PTH2R: variants seen among roughly 807,000 people sequenced by gnomAD.
The protein encoded by PTH2R is parathyroid hormone 2 receptor.
In PTH2R, 59 loss-of-function variants were observed where a neutral mutation model predicts 60.3. That is an observed-to-expected ratio of 0.98 (90% CI 0.79 to 1.22). The LOEUF (loss-of-function observed/expected upper bound fraction) is 1.22, where lower values mean the gene tolerates loss of function less well. Ranked by LOEUF, PTH2R falls within the 50% of genes most tolerant of loss-of-function variation. PTH2R has a pLI of 0.00. For missense variants in PTH2R, 749 were observed against 682.6 expected (o/e 1.10, Z -1.08); for synonymous variants, 256 against 243.8 (o/e 1.05, Z -0.47).
At chr2:208,489,771 T>C (rs1326779040) in intron 11 of PTH2R, among the ~76,000 whole-genome samples, 2 of 152,206 alleles carry the variant, frequency 1.3e-5, no homozygotes, top group African/African-American at 4.8e-5. Flanking sequence ...CAGCCCTGCA[T>C]GTCGTGGAGC....
intron 1 of PTH2R, among the ~76,000 whole-genome samples, chr2:208,413,994 C>G (rs1003781803): frequency 6.6e-6 from 1 of 152,224 alleles, no homozygotes; most frequent in East Asian, 1.9e-4. Context: ...AGGCATATCC[C>G]CCACGTCTGC....
At chr2:208,391,475 T>C (rs6725548) in intron 1 of PTH2R, among the ~76,000 whole-genome samples, 118,378 of 152,114 alleles carry the variant, frequency 0.78, 47,971 homozygotes, top group East Asian at 0.94. Context: ...TTCTTTCTGA[T>C]ACATACAGAT....
intron 1 of PTH2R, among the ~76,000 whole-genome samples, chr2:208,363,039 T>C (rs771059521): frequency 9.9e-5 from 15 of 152,158 alleles, no homozygotes; most frequent in Non-Finnish European, 2.1e-4. Context: ...CCAACTTTTA[T>C]TTTAGGTCTG....
intron 1 of PTH2R, among the ~76,000 whole-genome samples, chr2:208,396,285 G>A (rs1288876073): frequency 6.6e-6 from 1 of 152,108 alleles, no homozygotes; most frequent in Non-Finnish European, 1.5e-5. Flanking sequence ...CAAAAGTAAT[G>A]GCAACAAAAG....
chr2:208,389,355 C>T (rs150209802), intron 1 of PTH2R, among the ~76,000 whole-genome samples: 3,127 of 151,954 alleles, frequency 0.021, 47 homozygotes, highest in Middle Eastern at 0.048. Context: ...ATTTTTCCTT[C>T]TTATTAGTCT....
chr2:208,450,629 T>G (rs1702384445), intron 7 of PTH2R, 120 bp from the exon 8 acceptor site: 1 of 968,716 alleles, frequency 1.0e-6, no homozygotes, highest in South Asian at 1.5e-5. Flanking sequence ...TATCAGAAAT[T>G]TTCATGTCTA....
At chr2:208,474,021 C>T (rs1702941997) in intron 9 of PTH2R, among the ~76,000 whole-genome samples, 1 of 152,042 alleles carries the variant, frequency 6.6e-6, no homozygotes, top group Non-Finnish European at 1.5e-5. Context: ...AGGTCATTAG[C>T]AGAGGAGGTG....
At chr2:208,402,869 G>T (rs936647823), upstream of PTH2R, among the ~76,000 whole-genome samples, 1 of 152,162 alleles carries the variant, frequency 6.6e-6, no homozygotes, top group African/African-American at 2.4e-5. Context: ...ATGCTAAAGC[G>T]CATTCTATAG....
chr2:208,452,358 T>A (rs1702422951), intron 8 of PTH2R, among the ~76,000 whole-genome samples: 1 of 152,252 alleles, frequency 6.6e-6, no homozygotes, highest in Non-Finnish European at 1.5e-5. Context: ...AAATACTTGT[T>A]AGCAAGTATT....
At chr2:208,433,764 T>G (rs1702018727) in intron 2 of PTH2R, among the ~76,000 whole-genome samples, 1 of 152,232 alleles carries the variant, frequency 6.6e-6, no homozygotes, top group African/African-American at 2.4e-5. Context: ...ATTTCAAGTG[T>G]GGTCACATTT....
intron 7 of PTH2R, among the ~76,000 whole-genome samples, chr2:208,446,205 G>C (rs1408374388): frequency 1.3e-5 from 2 of 151,716 alleles, no homozygotes; most frequent in East Asian, 3.9e-4. Context: ...TAGCTACCTG[G>C]TGCAAGCCTC....
chr2:208,458,820 T>C (rs577767067), intron 8 of PTH2R, among the ~76,000 whole-genome samples: 1 of 152,272 alleles, frequency 6.6e-6, no homozygotes, highest in African/African-American at 2.4e-5. Flanking sequence ...ATGGTATACA[T>C]GTACCACGTT....
intron 1 of PTH2R, among the ~76,000 whole-genome samples, chr2:208,365,925 G>GAAAAATATAT (rs1359742846): frequency 9.4e-5 from 5 of 52,932 alleles, no homozygotes; most frequent in Non-Finnish European, 1.6e-4. Flanking sequence ...TAATATAATA[G>GAAAAATATAT]ATAAATATAT....
chr2:208,438,520 G>A (rs1702122792), intron 4 of PTH2R, among the ~76,000 whole-genome samples: 1 of 152,132 alleles, frequency 6.6e-6, no homozygotes, highest in South Asian at 2.1e-4. Context: ...CATCAGTGCT[G>A]TTTCCAATAT....
chr2:208,479,740 C>T (rs904099978), intron 9 of PTH2R, among the ~76,000 whole-genome samples: 4 of 152,178 alleles, frequency 2.6e-5, no homozygotes, highest in African/African-American at 9.7e-5. Context: ...GTTAAGGATT[C>T]ACAATACAGA....
chr2:208,385,852 T>C (rs536991168), intron 1 of PTH2R, among the ~76,000 whole-genome samples: 99 of 152,276 alleles, frequency 6.5e-4, no homozygotes, highest in African/African-American at 2.4e-3. Flanking sequence ...TTGTACTGGG[T>C]CAATTGAGCA....
chr2:208,481,097 G>A lies in PTH2R; in HGVS notation c.1009G>A (p.Val337Ile). 1 of 1,610,066 alleles carries A rather than the reference G, an allele frequency of 6.2e-7. No individual in the cohort carries two copies. Among genetic ancestry groups the A allele is most frequent in the Non-Finnish European group, 8.5e-7 (1 of 1,176,892 alleles). Residue 337 changes from valine to isoleucine, a missense_variant, in exon 10 of 13, where the codon GTT becomes ATT. By Grantham distance (29) the Val-to-Ile change is conservative (BLOSUM62 3). Transcript: ENST00000272847. ...GLNFILFLNT[V>I]RVLATKIWET... ...GAATTTTATTCTGTTTCTGAATACG[G>A]TTAGAGTTCTAGCTACCAAAATCTG... is the stretch of plus-strand genomic sequence containing the variant.
intron 9 of PTH2R, among the ~76,000 whole-genome samples, chr2:208,465,759 A>G (rs1702736972): frequency 6.6e-6 from 1 of 152,142 alleles, no homozygotes; most frequent in African/African-American, 2.4e-5. Context: ...TGACAGGAAC[A>G]GTGCAAAAAC....
At position 208,444,796 on chromosome 2, in the gene PTH2R, C is replaced by A; in HGVS notation, c.762C>A (p.Ile254=). The A allele has an allele frequency of 2.5e-6, 4 of 1,613,628 alleles. No individual in the cohort carries two copies. In the African/African-American group the frequency reaches 5.3e-5, roughly 22 times the overall value. ...TCCTGGCTACAAATTATTATTGGAT[C>A]CTGGTGGAAGGTCTCTACCTGCATA... ...IYFLATNYYW[I]LVEGLYLHNL... Residue 254 remains isoleucine, a synonymous_variant, in exon 7 of 13, where the codon ATC becomes ATA. Coordinates refer to ENST00000272847, the MANE Select transcript of PTH2R (RefSeq NM_005048.4).
Sources: allele counts gnomAD v4.1 joint callset (sites outside exome capture counted in the v4.1 genomes callset), GRCh38; gene constraint gnomAD v4.1.1; transcripts MANE v1.5; gene names NCBI Gene and HGNC (gene_info 2026-07-23, HGNC 2026-07-21).